EGFL6: variants seen among roughly 807,000 people sequenced by gnomAD.
EGFL6 encodes EGF like domain multiple 6, also known as epidermal growth factor-like protein 6.
EGFL6 carries 42 observed loss-of-function variants against 43.1 expected under a neutral mutation model. The ratio of observed to expected loss-of-function variants is 0.98; its 90% confidence interval spans 0.76 to 1.26. The LOEUF is 1.26. Among genes scored for constraint, EGFL6 ranks in the 50% most tolerant of loss-of-function variants. The pLI is 0.00. For missense variants in EGFL6, 429 were observed against 427.8 expected, an observed-to-expected ratio of 1.00 and a Z score of -0.02; for synonymous variants, 164 against 163.2, an observed-to-expected ratio of 1.01 and a Z score of -0.04.
chrX:13,603,318 C>CT lies in EGFL6; in HGVS notation c.403dup (p.Ser135PhefsTer2). Reference sequence around the variant, plus strand: ...GCTAATCCTTGTCTACTTTTTCAGACTCTAGGACATGTGCCATGATAAACT... The same window carrying CT: ...GCTAATCCTTGTCTACTTTTTCAGACTTCTAGGACATGTGCCATGATAAACT... On this transcript the variant is annotated frameshift_variant and splice_region_variant, in exon 5 of 12. Transcript: ENST00000361306. LOFTEE classifies it high-confidence loss of function. The CT allele has an allele frequency of 3.3e-6, 4 of 1,205,089 alleles. No homozygotes were observed. Among genetic ancestry groups the CT allele is most frequent in the Non-Finnish European group, 4.5e-6 (4 of 893,028 alleles).
chrX:13,612,463 T>C (rs1206582753), intron 7 of EGFL6, among the ~76,000 whole-genome samples: 2 of 109,226 alleles, frequency 1.8e-5, no homozygotes, highest in East Asian at 5.7e-4. Context: ...ACAGACACAG[T>C]AACAATCTGA....
intron 11 of EGFL6, among the ~76,000 whole-genome samples, chrX:13,629,596 T>A (rs1026785881): frequency 1.8e-5 from 2 of 111,794 alleles, no homozygotes; most frequent in Non-Finnish European, 3.8e-5. Context: ...GGAAGCTGAC[T>A]AATCCAGTCT....
chrX:13,597,225 C>G (rs953155644), intron 3 of EGFL6, among the ~76,000 whole-genome samples: 6 of 112,199 alleles, frequency 5.3e-5, no homozygotes, highest in African/African-American at 1.9e-4. Context: ...GGAAGTTGAA[C>G]AAAGAGCAGT....
chrX:13,621,772 C>A (rs1054342364), intron 9 of EGFL6, among the ~76,000 whole-genome samples: 2 of 112,489 alleles, frequency 1.8e-5, no homozygotes, highest in African/African-American at 6.5e-5. Flanking sequence ...TAAGTACTGA[C>A]AGATATTTGT....
Position 13,589,764 on chromosome X carries a change from C to A in EGFL6, c.187+96C>A, listed in dbSNP as rs1276006540. The A allele has an allele frequency of 1.2e-5, 8 of 667,332 alleles. No individual in the cohort carries two copies. The South Asian group carries it at 2.0e-4, about 17-fold the overall frequency. 55.0% of individuals were successfully genotyped at this position (667,332 alleles called of 1,213,427 possible). A position where few individuals can be genotyped will look rare whatever the true frequency, so the allele number is the denominator to read the frequency against. On this transcript the variant is annotated intron_variant, in intron 2 of 11. Coordinates refer to ENST00000361306, the MANE Select transcript of EGFL6 (RefSeq NM_015507.4). ...CTGCCACAAAATTGCCAGTGGATCT[C>A]TCAGGCAAGGACATGCATAACTACC...
chrX:13,632,394 C>T lies in EGFL6; in HGVS notation c.1552-591C>T, dbSNP rs1341672161. ...TCGGCTCACTGCAAGCTCCGCCTCC[C>T]GGGTTCACGCCATTCTCCTGCCTCA... is the stretch of plus-strand genomic sequence containing the variant. On this transcript the variant is annotated intron_variant, in intron 11 of 11. Transcript: ENST00000361306. 6.7e-5 allele frequency among the ~76,000 whole-genome samples: 7 copies of T among 105,123 alleles called. No individual in the cohort carries two copies. The South Asian group carries it at 1.3e-3, about 20-fold the overall frequency. 91.3% of individuals were successfully genotyped at this position (105,123 alleles called of 115,157 possible). A position where few individuals can be genotyped will look rare whatever the true frequency, so the allele number is the denominator to read the frequency against.
At chrX:13,610,376 C>T (rs942276725) in intron 7 of EGFL6, among the ~76,000 whole-genome samples, 1 of 111,967 alleles carries the variant, frequency 8.9e-6, no homozygotes, top group African/African-American at 3.2e-5. Context: ...AGGGACATTC[C>T]ACTGCCCCTG....
Position 13,569,644 on chromosome X carries a change from C to T in EGFL6, c.-218C>T. On this transcript the variant is annotated 5_prime_UTR_variant, in exon 1 of 12. Coordinates refer to ENST00000361306, the MANE Select transcript of EGFL6 (RefSeq NM_015507.4). ...CATCCGCAGAGGAGCCTCGGCCAGG[C>T]TTGCCAGGGCGCCCCCAGCCCCTCC... is the stretch of plus-strand genomic sequence containing the variant. 2.6e-6 allele frequency: 1 copy of T among 387,369 alleles called. No individual in the cohort carries two copies. The highest frequency in any genetic ancestry group is 4.3e-5 in the Admixed American group (1 of 23,521). The allele number at this position is 387,369 out of a possible 1,213,427, so 31.9% of individuals were successfully genotyped here. A position where few individuals can be genotyped will look rare whatever the true frequency, so the allele number is the denominator to read the frequency against.
intron 1 of EGFL6, among the ~76,000 whole-genome samples, chrX:13,582,131 C>T (rs1197095360): frequency 1.3e-4 from 14 of 108,204 alleles, no homozygotes; most frequent in African/African-American, 4.1e-4. Context: ...GGCGCAATCT[C>T]GGCTGACTGC....
chrX:13,617,463 A>C (rs878981704), intron 7 of EGFL6, among the ~76,000 whole-genome samples: 7 of 112,542 alleles, frequency 6.2e-5, no homozygotes. Flanking sequence ...CTGTAGCCCA[A>C]CTGGGTAGTA....
intron 11 of EGFL6, among the ~76,000 whole-genome samples, chrX:13,631,029 CAT>C (rs201659968): frequency 0.055 from 6,235 of 112,473 alleles, 322 homozygotes; most frequent in African/African-American, 0.15. Context: ...ACTACAGTAA[CAT>C]GAGTGCTTTT....
chrX:13,623,670 T>C, intron 9 of EGFL6, 154 bp from the exon 10 acceptor site: 5 of 415,299 alleles, frequency 1.2e-5, no homozygotes, highest in South Asian at 4.6e-5. Context: ...CTGAATTTGT[T>C]CAGAATGGCT....
chrX:13,577,932 T>A (rs2045483257), intron 1 of EGFL6, among the ~76,000 whole-genome samples: 1 of 112,163 alleles, frequency 8.9e-6, no homozygotes, highest in African/African-American at 3.3e-5. Flanking sequence ...GACTAATTCA[T>A]GCACAGAATT....
intron 1 of EGFL6, among the ~76,000 whole-genome samples, chrX:13,579,555 A>G (rs2045493748): frequency 8.9e-6 from 1 of 111,775 alleles, no homozygotes; most frequent in Admixed American, 9.5e-5. Context: ...TGCAATGAAC[A>G]CTGTGTGCAT....
intron 7 of EGFL6, 152 bp downstream of exon 7, chrX:13,608,598 C>A: frequency 1.5e-6 from 1 of 686,248 alleles, no homozygotes; most frequent in Non-Finnish European, 2.1e-6. Context: ...GTGTTTAACT[C>A]TCTGCCTCAG....
At chrX:13,613,149 A>AATATATATATAT (rs1166418088) in intron 7 of EGFL6, among the ~76,000 whole-genome samples, 2 of 73,553 alleles carry the variant, frequency 2.7e-5, no homozygotes, top group African/African-American at 1.3e-4. Flanking sequence ...CATCTCCATA[A>AATATATATATAT]ATATATACAT....
At chrX:13,572,933 G>T (rs2146959312) in intron 1 of EGFL6, among the ~76,000 whole-genome samples, 1 of 112,434 alleles carries the variant, frequency 8.9e-6, no homozygotes, top group African/African-American at 3.2e-5. Context: ...TTCTTCTGGA[G>T]GCTCCAGGGA....
At chrX:13,609,976 T>G (rs1259726504) in intron 7 of EGFL6, among the ~76,000 whole-genome samples, 4 of 110,921 alleles carry the variant, frequency 3.6e-5, no homozygotes, top group Non-Finnish European at 5.7e-5. Flanking sequence ...ATGCTCCCAA[T>G]GATGCAAATG....
chrX:13,620,598 C>T (rs1291646718), intron 9 of EGFL6, among the ~76,000 whole-genome samples: 2 of 111,335 alleles, frequency 1.8e-5, no homozygotes, highest in Non-Finnish European at 3.8e-5. Context: ...AGCCTAGTAA[C>T]CTATGACCCA....
Sources: allele counts gnomAD v4.1 joint callset (sites outside exome capture counted in the v4.1 genomes callset), GRCh38; gene constraint gnomAD v4.1.1; transcripts MANE v1.5; gene names NCBI Gene and HGNC (gene_info 2026-07-23, HGNC 2026-07-21).